HECTD2: variants seen among roughly 807,000 people sequenced by gnomAD.
HECTD2 encodes the protein probable E3 ubiquitin-protein ligase HECTD2.
In HECTD2, 35 loss-of-function variants were observed where a neutral mutation model predicts 103.2. That is an observed-to-expected ratio of 0.34 (90% CI 0.26 to 0.45). The LOEUF (loss-of-function observed/expected upper bound fraction) is 0.45. Among genes scored for constraint, HECTD2 ranks in the 20% least tolerant of loss-of-function variants. HECTD2 has a pLI of 1.00. For synonymous variants in HECTD2, 281 were observed against 329.9 expected (o/e 0.85, Z 1.61); for missense variants, 596 against 937.4 (o/e 0.64, Z 4.76).
chr10:91,439,057 CT>C (rs1460340653), intron 2 of HECTD2, among the ~76,000 whole-genome samples: 3 of 152,142 alleles, frequency 2.0e-5, no homozygotes, highest in African/African-American at 7.2e-5. Context: ...GTTTCTTTTG[CT>C]GTGCAGGAGC....
At chr10:91,452,013 T>G (rs956055970) in intron 2 of HECTD2, among the ~76,000 whole-genome samples, 1 of 152,106 alleles carries the variant, frequency 6.6e-6, no homozygotes, top group African/African-American at 2.4e-5. Flanking sequence ...GTAAAAAGCT[T>G]TGTAGATGAG....
intron 7 of HECTD2, among the ~76,000 whole-genome samples, chr10:91,481,960 A>T (rs1375517564): frequency 6.6e-6 from 1 of 151,818 alleles, no homozygotes; most frequent in Middle Eastern, 3.4e-3. Context: ...AAAGTGGAAA[A>T]GGGGGGAAAA....
intron 1 of HECTD2, among the ~76,000 whole-genome samples, chr10:91,410,854 A>G (rs950059989): frequency 6.6e-6 from 1 of 152,176 alleles, no homozygotes; most frequent in Non-Finnish European, 1.5e-5. Flanking sequence ...TTGGGCCCCC[A>G]CTTTCTCTAA....
chr10:91,488,119 G>A (rs189977057), intron 11 of HECTD2: 85 of 164,612 alleles, frequency 5.2e-4, no homozygotes, highest in Admixed American at 9.7e-4. Context: ...CTGCGGTGAG[G>A]CAGAGTGTCA....
chr10:91,431,631 C>T (rs905231509), intron 2 of HECTD2, among the ~76,000 whole-genome samples: 4 of 151,926 alleles, frequency 2.6e-5, no homozygotes, highest in Admixed American at 6.6e-5. Context: ...TCATTCATTT[C>T]ATCTTCCATC....
rs751426876 is a variant in HECTD2, at chr10:91,498,964, G to T, written c.1843+5G>T. 2 of 1,570,034 alleles carry T rather than the reference G, an allele frequency of 1.3e-6. No individual in the cohort carries two copies. Among genetic ancestry groups the T allele is most frequent in the Non-Finnish European group, 1.8e-6 (2 of 1,142,026 alleles). Reference sequence around the variant, plus strand: ...TTACCAATCAAAATAGAAAAGGTAAGTTAATACCCTTTTTAATTAAAATGA... The same window carrying T: ...TTACCAATCAAAATAGAAAAGGTAATTTAATACCCTTTTTAATTAAAATGA... On this transcript the variant is annotated splice_donor_5th_base_variant and intron_variant, in intron 17 of 20. Coordinates refer to ENST00000298068, the MANE Select transcript of HECTD2 (RefSeq NM_182765.6).
At chr10:91,429,525 G>A (rs1430308447) in intron 2 of HECTD2, among the ~76,000 whole-genome samples, 3 of 152,164 alleles carry the variant, frequency 2.0e-5, no homozygotes, top group African/African-American at 7.2e-5. Flanking sequence ...TTTTTGGTTG[G>A]TAAGCTATTG....
At chr10:91,488,955 C>T (rs1237184173) in intron 11 of HECTD2, 1 of 152,160 alleles carries the variant, frequency 6.6e-6, no homozygotes, top group Non-Finnish European at 1.5e-5. Flanking sequence ...GCTACTCATT[C>T]TGACATTTTC....
At chr10:91,482,699 T>C (rs1055570855) in intron 7 of HECTD2, among the ~76,000 whole-genome samples, 6 of 152,036 alleles carry the variant, frequency 3.9e-5, no homozygotes, top group African/African-American at 1.4e-4. Flanking sequence ...AATCAAAGTG[T>C]AAGGAACATG....
At chr10:91,491,761 G>C (rs527978254) in intron 12 of HECTD2, among the ~76,000 whole-genome samples, 2 of 152,120 alleles carry the variant, frequency 1.3e-5, no homozygotes, top group Non-Finnish European at 2.9e-5. Context: ...GCATTTTCAT[G>C]TATTATCATA....
At chr10:91,462,390 T>G (rs1200037518) in intron 5 of HECTD2, 7 of 1,169,114 alleles carry the variant, frequency 6.0e-6, no homozygotes, top group Non-Finnish European at 7.6e-6. Flanking sequence ...TACTTTTATA[T>G]CCAATCCTTT....
chr10:91,421,083 G>C (rs1261339175), intron 1 of HECTD2, among the ~76,000 whole-genome samples: 1 of 151,738 alleles, frequency 6.6e-6, no homozygotes, highest in Non-Finnish European at 1.5e-5. Flanking sequence ...AGTCATCCTT[G>C]CTCATTGCTT....
intron 5 of HECTD2, chr10:91,462,586 G>T (rs562791795): frequency 1.9e-6 from 2 of 1,046,684 alleles, no homozygotes; most frequent in Non-Finnish European, 2.3e-6. Flanking sequence ...TGAAGCCCAA[G>T]AATTTTCATT....
intron 1 of HECTD2, among the ~76,000 whole-genome samples, chr10:91,418,341 C>G (rs1380031188): frequency 6.6e-6 from 1 of 152,026 alleles, no homozygotes; most frequent in Non-Finnish European, 1.5e-5. Context: ...TCTAATGCCA[C>G]CTTGCCTTCC....
At chr10:91,478,091 GTCA>G (rs1379214134) in intron 5 of HECTD2, 107 bp from the exon 6 acceptor site, 3 of 711,988 alleles carry the variant, frequency 4.2e-6, no homozygotes, top group East Asian at 5.4e-5. Flanking sequence ...TCAGTCCTGA[GTCA>G]TCAAGTCTGA....
intron 14 of HECTD2, among the ~76,000 whole-genome samples, 157 bp from the exon 15 acceptor site, chr10:91,496,057 G>A (rs1225378201): frequency 1.3e-5 from 2 of 152,066 alleles, no homozygotes; most frequent in African/African-American, 4.8e-5. Flanking sequence ...TAAAATAAAG[G>A]GGAAATAAAT....
chr10:91,412,668 A>ATGTG (rs58691011), intron 1 of HECTD2, among the ~76,000 whole-genome samples: 73,273 of 147,114 alleles, frequency 0.5, 19,548 homozygotes, highest in East Asian at 0.8. Flanking sequence ...CTGTGGCAGA[A>ATGTG]TGTGTGTGTG....
In HECTD2 at chr10:91,496,213, G is replaced by T; in HGVS notation, c.1522-1G>T. On this transcript the variant is annotated splice_acceptor_variant, in intron 14 of 20. Coordinates refer to ENST00000298068, the MANE Select transcript of HECTD2 (RefSeq NM_182765.6). LOFTEE classifies it high-confidence loss of function. ...TAATGCTTAACATTTAGTATGCATAGCTTATGGGACTAGCTGTTTATAACA... is the reference window on the plus strand; with the variant it reads ...TAATGCTTAACATTTAGTATGCATATCTTATGGGACTAGCTGTTTATAACA... 1 of 1,606,678 alleles carries T rather than the reference G, an allele frequency of 6.2e-7. No individual in the cohort carries two copies.
Position 91,500,606 on chromosome 10 carries a change from C to T in HECTD2, c.2055C>T (p.Asp685=), listed in dbSNP as rs34553731. Residue 685 remains aspartate, a synonymous_variant, in exon 19 of 21, where the codon GAC becomes GAT. Transcript: ENST00000298068. ...STQYDGYAKT[D]LTIKYFWDVV... is the part of the protein sequence containing the mutation. ...AGTATGATGGCTATGCAAAAACGGA[C>T]TTAACTATAAAGTGAGCTCTTTATA... 2.8e-3 allele frequency: 4,422 copies of T among 1,558,110 alleles called. 93 individuals are homozygous for T. In the African/African-American group the frequency reaches 0.051, roughly 18 times the overall value.
Sources: allele counts gnomAD v4.1 joint callset (sites outside exome capture counted in the v4.1 genomes callset), GRCh38; gene constraint gnomAD v4.1.1; transcripts MANE v1.5; gene names NCBI Gene and HGNC (gene_info 2026-07-23, HGNC 2026-07-21).